PCDH9: variants seen among roughly 807,000 people sequenced by gnomAD.
PCDH9 encodes protocadherin 9.
A neutral mutation model predicts 70.6 loss-of-function variants in PCDH9; 24 were observed. The ratio of observed to expected loss-of-function variants is 0.34; its 90% CI spans 0.25 to 0.48. The LOEUF is 0.48. Ranked by LOEUF, PCDH9 falls within the 20% of genes least tolerant of loss-of-function variation. The pLI is 0.99. For missense variants in PCDH9, 1,281 were observed against 1,503.6 expected (o/e 0.85, Z 2.45); for synonymous variants, 562 against 558.5 (o/e 1.01, Z -0.09).
chr13:67,054,603 A>AT (rs2085382611), intron 2 of PCDH9, among the ~76,000 whole-genome samples: 1 of 152,166 alleles, frequency 6.6e-6, no homozygotes, highest in Non-Finnish European at 1.5e-5. Flanking sequence ...GTTTTTGACA[A>AT]TTATGTTAAC....
intron 2 of PCDH9, among the ~76,000 whole-genome samples, chr13:67,160,823 C>T (rs1326811687): frequency 1.3e-5 from 2 of 152,150 alleles, no homozygotes; most frequent in Non-Finnish European, 2.9e-5. Context: ...CCCTTCTGAA[C>T]ATTTGTGTAG....
chr13:67,163,118 G>A (rs1221002193), intron 2 of PCDH9, among the ~76,000 whole-genome samples: 1 of 152,144 alleles, frequency 6.6e-6, no homozygotes, highest in African/African-American at 2.4e-5. Context: ...TTTGGTTACT[G>A]TAGAAACTCC....
chr13:66,978,322 T>C (rs1378281269), intron 2 of PCDH9: 1 of 151,848 alleles, frequency 6.6e-6, no homozygotes, highest in East Asian at 1.9e-4. Flanking sequence ...AAAGTAACTC[T>C]GCAAACCAAA....
intron 3 of PCDH9, among the ~76,000 whole-genome samples, chr13:66,815,862 G>T (rs1266308559): frequency 6.6e-6 from 1 of 152,198 alleles, no homozygotes; most frequent in African/African-American, 2.4e-5. Context: ...AAACCCCTGT[G>T]ATATGTAATT....
intron 4 of PCDH9, among the ~76,000 whole-genome samples, chr13:66,469,697 A>G (rs979676934): frequency 1.3e-5 from 2 of 152,130 alleles, no homozygotes; most frequent in Admixed American, 1.3e-4. Context: ...AGTGCGTGAA[A>G]ATGTGTCAAT....
At chr13:66,936,405 C>T (rs1448187248) in intron 2 of PCDH9, among the ~76,000 whole-genome samples, 1 of 151,940 alleles carries the variant, frequency 6.6e-6, no homozygotes, top group Non-Finnish European at 1.5e-5. Flanking sequence ...TTGCAAAGAA[C>T]AATTAAGGGC....
At chr13:66,366,358 T>A (rs1956554989) in intron 4 of PCDH9, among the ~76,000 whole-genome samples, 1 of 152,052 alleles carries the variant, frequency 6.6e-6, no homozygotes, top group African/African-American at 2.4e-5. Flanking sequence ...GTAATTTTTT[T>A]GCATGTTCCT....
Position 66,758,624 on chromosome 13 carries a change from C to T in PCDH9, c.3139-127213G>A, listed in dbSNP as rs528742871. 1.2e-3 allele frequency among the ~76,000 whole-genome samples: 175 copies of T among 151,714 alleles called. 2 individuals carry two copies. The highest frequency in any genetic ancestry group is 3.7e-3 in the South Asian group (18 of 4,808). On this transcript the variant is annotated intron_variant, in intron 3 of 4. Transcript: ENST00000377865. ...TTGTCTGGTTTTAATATTAGAGTAA[C>T]GCTGGTATTAAAAAAATAAATTTGC...
intron 2 of PCDH9, chr13:67,201,888 G>A (rs530348123): frequency 6.6e-6 from 1 of 152,078 alleles, no homozygotes; most frequent in South Asian, 2.1e-4. Context: ...ATAAGAAAAT[G>A]TGATTTCAAG....
chr13:67,020,815 G>C (rs2084659971), intron 2 of PCDH9, among the ~76,000 whole-genome samples: 1 of 152,118 alleles, frequency 6.6e-6, no homozygotes, highest in South Asian at 2.1e-4. Flanking sequence ...TTATATATCT[G>C]TCATCTGTTA....
intron 2 of PCDH9, among the ~76,000 whole-genome samples, chr13:67,034,569 T>C (rs970267069): frequency 2.0e-5 from 3 of 152,126 alleles, no homozygotes; most frequent in African/African-American, 7.2e-5. Flanking sequence ...CACTGCGCTC[T>C]GGGCCACACA....
intron 3 of PCDH9, among the ~76,000 whole-genome samples, chr13:66,653,820 T>C (rs1468875027): frequency 6.6e-6 from 1 of 151,542 alleles, no homozygotes; most frequent in Admixed American, 6.6e-5. Context: ...ACAAAAAAAT[T>C]AGCTAGGCGT....
At chr13:66,932,681 T>TATATATATATATATATACACAC (rs1313632174) in intron 2 of PCDH9, among the ~76,000 whole-genome samples, 1 of 114,822 alleles carries the variant, frequency 8.7e-6, no homozygotes, top group African/African-American at 3.4e-5. Context: ...TATATATATA[T>TATATATATATATATATACACAC]ACACACACAC....
At chr13:66,496,987 T>A (rs1959127157) in intron 4 of PCDH9, among the ~76,000 whole-genome samples, 1 of 152,158 alleles carries the variant, frequency 6.6e-6, no homozygotes, top group Non-Finnish European at 1.5e-5. Flanking sequence ...TTTATTTTCC[T>A]CCCGACCCCT....
intron 2 of PCDH9, among the ~76,000 whole-genome samples, chr13:66,930,554 A>C (rs1308362367): frequency 6.6e-6 from 1 of 152,166 alleles, no homozygotes; most frequent in African/African-American, 2.4e-5. Context: ...CATTTTTACA[A>C]GATTACTTCA....
chr13:67,171,088 CAT>C (rs1413467230), intron 2 of PCDH9, among the ~76,000 whole-genome samples: 3 of 152,150 alleles, frequency 2.0e-5, no homozygotes, highest in Admixed American at 1.3e-4. Context: ...CTAGATGAAA[CAT>C]AGCATACCGA....
In PCDH9 at chr13:66,559,829, T is replaced by TAC. The variant is rs1269887462; in HGVS notation, c.3340+71380_3340+71381insGT. On this transcript the variant is annotated intron_variant, in intron 4 of 4. Coordinates refer to ENST00000377865, the MANE Select transcript of PCDH9 (RefSeq NM_203487.3). Reference sequence around the variant, plus strand: ...AAAAAAAAAAAAAAATATATATATATATATACACACACACACACACACACA... The same window carrying TAC: ...AAAAAAAAAAAAAAATATATATATATACATATACACACACACACACACACACA... 4.9e-5 allele frequency among the ~76,000 whole-genome samples: 6 copies of TAC among 122,694 alleles called. No individual in the cohort carries two copies. The East Asian group carries it at 1.1e-3, about 22-fold the overall frequency. 80.5% of individuals were successfully genotyped at this position (122,694 alleles called of 152,430 possible). A position where few individuals can be genotyped will look rare whatever the true frequency, so the allele number is the denominator to read the frequency against.
At chr13:67,161,025 G>A (rs12855917) in intron 2 of PCDH9, among the ~76,000 whole-genome samples, 11,720 of 152,224 alleles carry the variant, frequency 0.077, 630 homozygotes, top group Middle Eastern at 0.13. Flanking sequence ...TAGGTAGAGC[G>A]ATTCTCAGGA....
chr13:66,786,351 G>T (rs2080079609), intron 3 of PCDH9, among the ~76,000 whole-genome samples: 1 of 152,126 alleles, frequency 6.6e-6, no homozygotes, highest in African/African-American at 2.4e-5. Context: ...TATGCAAGCT[G>T]GCCCAATACA....
Sources: allele counts gnomAD v4.1 joint callset (sites outside exome capture counted in the v4.1 genomes callset), GRCh38; gene constraint gnomAD v4.1.1; transcripts MANE v1.5; gene names NCBI Gene and HGNC (gene_info 2026-07-23, HGNC 2026-07-21).